Variants in RRP12 observed in about 807,000 individuals in gnomAD.
RRP12 encodes ribosomal RNA processing 12 homolog, also known as RRP12-like protein.
A neutral mutation model predicts 157.3 loss-of-function variants in RRP12; 78 were observed. That is an observed-to-expected ratio of 0.50 (90% CI 0.41 to 0.60). RRP12 has a LOEUF of 0.60. Among genes scored for constraint, RRP12 ranks in the 20% least tolerant of loss-of-function variants. The pLI is 0.00. For missense variants in RRP12, 1,521 were observed against 1,679.9 expected (o/e 0.91, Z 1.65); for synonymous variants, 726 against 670.9 (o/e 1.08, Z -1.27).
At chr10:97,368,502 C>A (rs1198271264) in intron 25 of RRP12, among the ~76,000 whole-genome samples, 2 of 151,612 alleles carry the variant, frequency 1.3e-5, no homozygotes, top group African/African-American at 4.9e-5. Flanking sequence ...GGATTGCAGG[C>A]ACCTGCCACC....
intron 31 of RRP12, 58 bp from the exon 32 acceptor site, chr10:97,359,068 A>C: frequency 7.5e-7 from 1 of 1,341,508 alleles, no homozygotes; most frequent in African/African-American, 1.4e-5. Context: ...CCCTCCAGAA[A>C]GGCAATGGGC....
At chr10:97,392,939 C>T (rs1249907285) in intron 4 of RRP12, among the ~76,000 whole-genome samples, 3 of 151,858 alleles carry the variant, frequency 2.0e-5, no homozygotes, top group Non-Finnish European at 2.9e-5. Flanking sequence ...GATCTGCCCA[C>T]CTCAGCCTCC....
intron 1 of RRP12, among the ~76,000 whole-genome samples, chr10:97,400,792 A>G (rs1183614062): frequency 6.6e-6 from 1 of 152,182 alleles, no homozygotes; most frequent in East Asian, 1.9e-4. Flanking sequence ...CTACATTCAG[A>G]GGGCCTGCAA....
In RRP12 at chr10:97,366,142, G is replaced by T; in HGVS notation, c.3483C>A (p.Asp1161Glu). The T allele has an allele frequency of 6.2e-7, 1 of 1,605,876 alleles. No homozygotes were observed. Among genetic ancestry groups the T allele is most frequent in the South Asian group, 1.1e-5 (1 of 91,042 alleles). ...CTTCCTCTTCCTCCATCTTGTTGCC[G>T]TCTGCCTCCTCCCTTATGATCAGCC... ...DGRLIIREEA[D>E]GNKMEEEEGA... Residue 1161 changes from aspartate to glutamate, a missense_variant, in exon 29 of 34, where the codon GAC becomes GAA. Coordinates refer to ENST00000370992, the MANE Select transcript of RRP12 (RefSeq NM_015179.4).
At chr10:97,393,210 T>C in intron 4 of RRP12, 1 of 442,304 alleles carries the variant, frequency 2.3e-6, no homozygotes, top group Non-Finnish European at 4.5e-6. Flanking sequence ...TTTCTGACTC[T>C]GCTTTTGCCT....
chr10:97,363,720 TGCACACCTGTGAGGATGCACCGA>T (rs773901417), intron 30 of RRP12, 111 bp downstream of exon 30: 1 of 823,588 alleles, frequency 1.2e-6, no homozygotes, highest in Non-Finnish European at 2.1e-6. Context: ...CCGCCTGCTA[TGCACACCTGTGAGGATGCACCGA>T]GCATTCCAGA....
intron 15 of RRP12, among the ~76,000 whole-genome samples, chr10:97,374,768 T>C (rs1205248976): frequency 2.0e-5 from 2 of 102,332 alleles, no homozygotes; most frequent in African/African-American, 1.0e-4. Context: ...CGAGACTCTG[T>C]CTCAAAAAAA....
At chr10:97,359,101 G>T in intron 31 of RRP12, 91 bp from the exon 32 acceptor site, 1 of 933,552 alleles carries the variant, frequency 1.1e-6, no homozygotes, top group Non-Finnish European at 1.7e-6. Context: ...AGAGCTGCAA[G>T]GGAGCAGATG....
rs1843971716 is a variant in RRP12, at chr10:97,366,163, C to T, written c.3462G>A (p.Leu1154=). The change falls in exon 29 of 34, where the codon CTG becomes CTA. Residue 1154 remains leucine (L), a synonymous_variant. Transcript: ENST00000370992. The stretch of plus-strand genomic sequence containing the variant: ...TGCCGTCTGCCTCCTCCCTTATGAT[C>T]AGCCGGCCATCGGCGCTCACCTTGA... ...HGFKVSADGR[L]IIREEADGNK... The T allele has an allele frequency of 6.2e-7, 1 of 1,608,788 alleles. No individual in the cohort carries two copies. The highest frequency in any genetic ancestry group is 1.7e-5 in the Admixed American group (1 of 59,906).
rs771466421 is a variant in RRP12, at chr10:97,390,890, G to A, written c.531-46C>T. ...GGTCACCCCAGAGGGTCCCTGAAGA[G>A]CAGCTGGTGCAGCCCCTCGTGGTAC... On this transcript the variant is annotated intron_variant, in intron 4 of 33. Transcript: ENST00000370992. The A allele has an allele frequency of 1.5e-5, 18 of 1,224,502 alleles. No homozygotes were observed. The East Asian group carries it at 1.6e-4, about 11-fold the overall frequency. 75.9% of individuals were successfully genotyped at this position (1,224,502 alleles called of 1,614,324 possible). A position where few individuals can be genotyped will look rare whatever the true frequency, so the allele number is the denominator to read the frequency against.
intron 8 of RRP12, chr10:97,387,941 CAAAAAAAAAAA>C (rs56225985): frequency 7.7e-4 from 76 of 98,784 alleles, no homozygotes; most frequent in South Asian, 1.4e-3. Context: ...AACTCGGTCT[CAAAAAAAAAAA>C]AAAAAAAAAA....
intron 8 of RRP12, chr10:97,387,998 A>G (rs1844687229): frequency 4.4e-6 from 2 of 459,138 alleles, no homozygotes; most frequent in African/African-American, 2.1e-5. Context: ...GCTGGTGCAG[A>G]AGGAGGGTTT....
intron 17 of RRP12, 120 bp downstream of exon 17, chr10:97,373,455 G>T: frequency 8.3e-7 from 1 of 1,200,892 alleles, no homozygotes; most frequent in Non-Finnish European, 1.1e-6. Flanking sequence ...AAGCAGCAAA[G>T]GATGAGCTCC....
intron 8 of RRP12, among the ~76,000 whole-genome samples, chr10:97,386,263 ATTTT>A (rs60314380): frequency 0.32 from 44,469 of 138,620 alleles, 6,975 homozygotes; most frequent in African/African-American, 0.42. Context: ...TTACAGCTGT[ATTTT>A]TTTTTTTTTT....
At chr10:97,400,012 A>G (rs967761537) in intron 2 of RRP12, among the ~76,000 whole-genome samples, 1 of 152,224 alleles carries the variant, frequency 6.6e-6, no homozygotes, top group Non-Finnish European at 1.5e-5. Context: ...GCATTTATTT[A>G]CTCAACATAT....
At chr10:97,394,333 A>G (rs1477341392) in intron 3 of RRP12, among the ~76,000 whole-genome samples, 1 of 152,010 alleles carries the variant, frequency 6.6e-6, no homozygotes, top group Non-Finnish European at 1.5e-5. Context: ...ACAGAGTGAG[A>G]CTCCGTCTCA....
At position 97,400,553 on chromosome 10, in the gene RRP12, A is replaced by G. The variant is rs746595294; in HGVS notation, c.140-19T>C. On this transcript the variant is annotated intron_variant, in intron 1 of 33. Coordinates refer to ENST00000370992, the MANE Select transcript of RRP12 (RefSeq NM_015179.4). ...CTCCTTCCTGAGAGCCAGAGGCACA[A>G]GATAAGGTCCAAGCCTCCTTTTGGT... is the stretch of plus-strand genomic sequence containing the variant. 8 of 1,599,502 alleles carry G rather than the reference A, an allele frequency of 5.0e-6. No individual in the cohort carries two copies. The highest frequency in any genetic ancestry group is 6.8e-6 in the Non-Finnish European group (8 of 1,168,338).
In RRP12 at chr10:97,359,787, C is replaced by A. The variant is rs546821202; in HGVS notation, c.3640+759G>T. Among the ~76,000 whole-genome samples, 3 of 152,374 alleles carry A rather than the reference C, an allele frequency of 2.0e-5. No homozygotes were observed. The South Asian group carries it at 6.2e-4, about 32-fold the overall frequency. On this transcript the variant is annotated intron_variant, in intron 31 of 33. Transcript: ENST00000370992. ...TCTCTGCCTCATCAATTGGCAGGTA[C>A]TCCTGCCTCAGCATCACTCCATCCC...
At chr10:97,379,216 C>A (rs1254247694) in intron 15 of RRP12, 77 bp downstream of exon 15, 2 of 1,541,302 alleles carry the variant, frequency 1.3e-6, no homozygotes, top group African/African-American at 1.4e-5. Flanking sequence ...GGACTCAGCA[C>A]CCTTCCCAAT....
Sources: allele counts gnomAD v4.1 joint callset (sites outside exome capture counted in the v4.1 genomes callset), GRCh38; gene constraint gnomAD v4.1.1; transcripts MANE v1.5; gene names NCBI Gene and HGNC (gene_info 2026-07-23, HGNC 2026-07-21).